RORA: variants seen among roughly 807,000 people sequenced by gnomAD.
RORA encodes the protein RAR related orphan receptor A, also known as nuclear receptor ROR-alpha.
A neutral mutation model predicts 69.5 loss-of-function variants in RORA; 7 were observed. That is an observed-to-expected ratio of 0.10 (90% CI 0.06 to 0.19). The LOEUF is 0.19. Among genes scored for constraint, RORA ranks in the 10% least tolerant of loss-of-function variants. The pLI is 1.00. For synonymous variants in RORA, 261 were observed against 240.8 expected (o/e 1.08, Z -0.78); for missense variants, 457 against 663.0 (o/e 0.69, Z 3.41).
chr15:60,947,707 A>AAAAAAAAC (rs1566921222), intron 1 of RORA, among the ~76,000 whole-genome samples: 2 of 144,986 alleles, frequency 1.4e-5, no homozygotes, highest in African/African-American at 4.9e-5. Context: ...AAAAAAAAAA[A>AAAAAAAAC]AAAATGAAAC....
chr15:60,519,250 C>G (rs577335760), intron 3 of RORA, among the ~76,000 whole-genome samples: 2 of 151,938 alleles, frequency 1.3e-5, no homozygotes, highest in South Asian at 4.2e-4. Flanking sequence ...TCCCAAATAC[C>G]ATTAAAACAG....
chr15:60,856,667 T>C (rs188926321), intron 1 of RORA, among the ~76,000 whole-genome samples: 2 of 152,306 alleles, frequency 1.3e-5, no homozygotes, highest in Non-Finnish European at 2.9e-5. Flanking sequence ...AGAGTGTGAA[T>C]TCAGGTGACT....
intron 1 of RORA, among the ~76,000 whole-genome samples, chr15:61,121,043 T>C (rs1339460682): frequency 6.6e-6 from 1 of 151,834 alleles, no homozygotes; most frequent in Non-Finnish European, 1.5e-5. Flanking sequence ...AGAGACGGGG[T>C]TTCACCATGT....
chr15:61,136,832 A>G (rs894270202), intron 1 of RORA, among the ~76,000 whole-genome samples: 1 of 152,102 alleles, frequency 6.6e-6, no homozygotes, highest in African/African-American at 2.4e-5. Context: ...CCTAACATTT[A>G]TGGTCTTAAA....
chr15:61,223,551 T>C (rs1209634967), intron 1 of RORA, among the ~76,000 whole-genome samples: 1 of 152,094 alleles, frequency 6.6e-6, no homozygotes, highest in Non-Finnish European at 1.5e-5. Context: ...AATTTCCAAG[T>C]GGGGATCAAG....
chr15:61,104,676 A>T (rs1281108933), intron 1 of RORA, among the ~76,000 whole-genome samples: 2 of 152,092 alleles, frequency 1.3e-5, no homozygotes, highest in African/African-American at 4.8e-5. Flanking sequence ...TACCTTATGG[A>T]ATTCTTCAAA....
At chr15:61,210,955 C>A (rs972546415) in intron 1 of RORA, among the ~76,000 whole-genome samples, 1 of 152,204 alleles carries the variant, frequency 6.6e-6, no homozygotes, top group Non-Finnish European at 1.5e-5. Context: ...GTGGCCAAGG[C>A]GAAAGCAGTC....
chr15:60,878,562 C>T (rs888694723), intron 1 of RORA, among the ~76,000 whole-genome samples: 2 of 152,184 alleles, frequency 1.3e-5, no homozygotes, highest in South Asian at 4.1e-4. Flanking sequence ...CCTGCTCGCC[C>T]TGCAGTGGCT....
At chr15:60,640,759 C>G (rs1274785530) in intron 2 of RORA, among the ~76,000 whole-genome samples, 2 of 152,096 alleles carry the variant, frequency 1.3e-5, no homozygotes, top group African/African-American at 4.8e-5. Context: ...GTGCTTGAAA[C>G]CTTCTCCTAG....
intron 1 of RORA, among the ~76,000 whole-genome samples, chr15:61,024,270 CTTTTTTT>C (rs34008494): frequency 7.6e-5 from 6 of 79,394 alleles, no homozygotes; most frequent in African/African-American, 1.0e-4. Context: ...TCTTGGATCT[CTTTTTTT>C]TTTTTTTTTT....
intron 1 of RORA, among the ~76,000 whole-genome samples, chr15:60,878,698 G>A (rs1029393182): frequency 6.6e-6 from 1 of 152,110 alleles, no homozygotes; most frequent in Non-Finnish European, 1.5e-5. Flanking sequence ...CTGAAAACCT[G>A]GGCCCTGCAG....
At chr15:60,621,576 A>T (rs2069408453) in intron 2 of RORA, among the ~76,000 whole-genome samples, 1 of 152,164 alleles carries the variant, frequency 6.6e-6, no homozygotes, top group African/African-American at 2.4e-5. Context: ...TTAGGCTATG[A>T]TGTACATTTA....
At position 60,631,747 on chromosome 15, in the gene RORA, T is replaced by C. The variant is rs142006416; in HGVS notation, c.196+46910A>G. Among the ~76,000 whole-genome samples the C allele has an allele frequency of 8.8e-3, 1,333 of 152,342 alleles. 16 individuals carry two copies. The highest frequency in any genetic ancestry group is 0.03 in the African/African-American group (1,261 of 41,574). ...TACGGCTAAGGGCAACCTCACAGGC[T>C]CCTGGCTTACCTCACTTCTCACCCG... On this transcript the variant is annotated intron_variant, in intron 2 of 10. Coordinates refer to ENST00000335670, the MANE Select transcript of RORA (RefSeq NM_134261.3).
intron 2 of RORA, among the ~76,000 whole-genome samples, chr15:60,667,771 C>T (rs2070401387): frequency 6.6e-6 from 1 of 151,864 alleles, no homozygotes. Flanking sequence ...AGGCATGCAC[C>T]CCCATACCCA....
At chr15:60,791,708 A>C (rs1852550918) in intron 1 of RORA, among the ~76,000 whole-genome samples, 1 of 152,246 alleles carries the variant, frequency 6.6e-6, no homozygotes, top group East Asian at 1.9e-4. Context: ...CAAGGGACCC[A>C]ATACGAAGAA....
At chr15:61,195,101 G>T (rs994830506) in intron 1 of RORA, among the ~76,000 whole-genome samples, 7 of 151,844 alleles carry the variant, frequency 4.6e-5, no homozygotes, top group African/African-American at 1.7e-4. Context: ...TATACAGGTG[G>T]ATTTACCTTA....
At chr15:60,975,701 C>A (rs1893855754) in intron 1 of RORA, among the ~76,000 whole-genome samples, 2 of 152,132 alleles carry the variant, frequency 1.3e-5, no homozygotes, top group African/African-American at 4.8e-5. Context: ...TGTGAGGAGT[C>A]AGAGGATGAA....
chr15:60,538,078 T>A (rs913115727), intron 2 of RORA, among the ~76,000 whole-genome samples: 1 of 152,220 alleles, frequency 6.6e-6, no homozygotes, highest in Non-Finnish European at 1.5e-5. Flanking sequence ...TTCTTCTCTA[T>A]GTCCAGATTT....
intron 1 of RORA, among the ~76,000 whole-genome samples, chr15:60,974,778 C>T (rs1017234867): frequency 1.3e-5 from 2 of 152,084 alleles, no homozygotes; most frequent in Admixed American, 1.3e-4. Flanking sequence ...TCCACCCCAG[C>T]GTGGGGCAAG....
Sources: gnomAD v4.1 joint callset for allele counts (sites outside exome capture counted in the v4.1 genomes callset) on GRCh38, gnomAD v4.1.1 for gene constraint, MANE v1.5 for transcripts, NCBI Gene and HGNC (gene_info 2026-07-23, HGNC 2026-07-21) for gene names.